The following RAB35 variants were observed in gnomAD, a reference collection of about 807,000 sequenced individuals.
The protein encoded by RAB35 is ras-related protein Rab-35.
A neutral mutation model predicts 28.9 loss-of-function variants in RAB35; 4 were observed. That is an observed-to-expected ratio of 0.14 (90% CI 0.07 to 0.32). RAB35 has a LOEUF of 0.32. RAB35 is among the 10% of genes least tolerant of loss of function. RAB35 has a pLI of 1.00. For synonymous variants in RAB35, 99 were observed against 105.1 expected (o/e 0.94, Z 0.35); for missense variants, 128 against 274.0 (o/e 0.47, Z 3.76).
In RAB35 at chr12:120,096,067, T is replaced by A. The variant is rs957140321; in HGVS notation, c.*1178A>T. On this transcript the variant is annotated 3_prime_UTR_variant, in exon 6 of 6. Transcript: ENST00000229340. ...CCTTCCCACCCGCCAGGAAATCCTC[T>A]TGCTACCTTTGTCCTGACAAAGGTT... 3.2e-5 allele frequency: 6 copies of A among 187,676 alleles called. No individual in the cohort carries two copies. The highest frequency in any genetic ancestry group is 5.6e-5 in the Non-Finnish European group (5 of 89,292). The allele number at this position is 187,676 out of a possible 1,614,324, so 11.6% of individuals were successfully genotyped here.
In RAB35 at chr12:120,102,703, G is replaced by A. The variant is rs574558440; in HGVS notation, c.227+1123C>T. 1.5e-3 allele frequency among the ~76,000 whole-genome samples: 227 copies of A among 152,314 alleles called. 2 individuals carry two copies. The highest frequency in any genetic ancestry group is 5.2e-3 in the African/African-American group (218 of 41,572). Reference sequence around the variant, plus strand: ...GCTGCACCCCACACTTCCCACCCTCGGGAGATGCCGAGGGGCCCGGGGGCA... The same window carrying A: ...GCTGCACCCCACACTTCCCACCCTCAGGAGATGCCGAGGGGCCCGGGGGCA... On this transcript the variant is annotated intron_variant, in intron 3 of 5. Transcript: ENST00000229340.
In RAB35 at chr12:120,107,114, C is replaced by G. The variant is rs1439879833; in HGVS notation, c.103+1303G>C. Among the ~76,000 whole-genome samples, 15 of 152,120 alleles carry G rather than the reference C, an allele frequency of 9.9e-5. 1 individual carries two copies. Among genetic ancestry groups the G allele is most frequent in the Admixed American group, 4.6e-4 (7 of 15,268 alleles). On this transcript the variant is annotated intron_variant, in intron 2 of 5. Coordinates refer to ENST00000229340, the MANE Select transcript of RAB35 (RefSeq NM_006861.7). ...AGCAACTCTCCTGCCTCAGCCTCCC[C>G]AGTCGCTAGGATTATAGGTATGCAC... is the stretch of plus-strand genomic sequence containing the variant.
chr12:120,103,247 TC>T lies in RAB35; in HGVS notation c.227+578del, dbSNP rs891635528. Among the ~76,000 whole-genome samples, 31 of 151,996 alleles carry T rather than the reference TC, an allele frequency of 2.0e-4. No homozygotes were observed. Among genetic ancestry groups the T allele is most frequent in the African/African-American group, 6.8e-4 (28 of 41,356 alleles). On this transcript the variant is annotated intron_variant, in intron 3 of 5. Coordinates refer to ENST00000229340, the MANE Select transcript of RAB35 (RefSeq NM_006861.7). The surrounding 1 kb of genome is among the most constrained non-coding windows in gnomAD (Gnocchi z 6.1). ...TGCCCATCTGCGCAGGAGCCCAGCTTCCCCCCGGCCTGCAGCTCAGCCACAA... is the reference window on the plus strand; with the variant it reads ...TGCCCATCTGCGCAGGAGCCCAGCTTCCCCCGGCCTGCAGCTCAGCCACAA...
intron 3 of RAB35, among the ~76,000 whole-genome samples, chr12:120,100,826 GCGC>G (rs1377303023): frequency 2.0e-5 from 3 of 152,252 alleles, no homozygotes; most frequent in African/African-American, 7.2e-5. Flanking sequence ...GCTGCTGAGA[GCGC>G]CGGGTCAGCA....
chr12:120,096,505 A>C lies in RAB35; in HGVS notation c.*740T>G. Reference sequence around the variant, plus strand: ...TGTTGGAACTGAAACCTGTTGGTGTAAATGAGAAGCCATGGCTGCCCTGGG... The same window carrying C: ...TGTTGGAACTGAAACCTGTTGGTGTCAATGAGAAGCCATGGCTGCCCTGGG... On this transcript the variant is annotated 3_prime_UTR_variant, in exon 6 of 6. Transcript: ENST00000229340. 1 of 1,289,830 alleles carries C rather than the reference A, an allele frequency of 7.8e-7. No individual in the cohort carries two copies. The highest frequency in any genetic ancestry group is 1.0e-6 in the Non-Finnish European group (1 of 988,890). 79.9% of individuals were successfully genotyped at this position (1,289,830 alleles called of 1,614,324 possible).
intron 5 of RAB35, 120 bp from the exon 6 acceptor site, chr12:120,097,493 G>T: frequency 2.7e-6 from 2 of 737,172 alleles, no homozygotes; most frequent in East Asian, 2.5e-5. Flanking sequence ...TTTTTGGTAT[G>T]TATGTCTTCA....
At chr12:120,114,072 A>G (rs1422039036) in intron 1 of RAB35, among the ~76,000 whole-genome samples, 1 of 152,150 alleles carries the variant, frequency 6.6e-6, no homozygotes, top group African/African-American at 2.4e-5. Context: ...ATTTGGGGCA[A>G]GTAAGTCACC....
intron 2 of RAB35, among the ~76,000 whole-genome samples, chr12:120,107,859 T>A (rs1246739252): frequency 1.1e-5 from 1 of 94,424 alleles, no homozygotes. Flanking sequence ...AGAGCAAGAC[T>A]CCATCTCAAA....
intron 5 of RAB35, among the ~76,000 whole-genome samples, chr12:120,097,922 C>T (rs1045477294): frequency 3.5e-5 from 5 of 141,390 alleles, no homozygotes; most frequent in Admixed American, 7.5e-5. Context: ...CTCGCTCTGT[C>T]GCCCAGGCTG....
At position 120,096,824 on chromosome 12, in the gene RAB35, C is replaced by CA; in HGVS notation, c.*420_*421insT. 7.7e-7 allele frequency: 1 copy of CA among 1,294,088 alleles called. No homozygotes were observed. The highest frequency in any genetic ancestry group is 2.3e-5 in the Admixed American group (1 of 43,680). 80.2% of individuals were successfully genotyped at this position (1,294,088 alleles called of 1,614,324 possible). ...AGACGCAGCTAGAACGTGCCGCTGT[C>CA]TCCTCAGGACGCTGCTTGCAGTAAG... is the stretch of plus-strand genomic sequence containing the variant. On this transcript the variant is annotated 3_prime_UTR_variant, in exon 6 of 6. Coordinates refer to ENST00000229340, the MANE Select transcript of RAB35 (RefSeq NM_006861.7).
chr12:120,097,396 G>A, intron 5 of RAB35, 23 bp from the exon 6 acceptor site: 4 of 1,593,532 alleles, frequency 2.5e-6, no homozygotes, highest in Non-Finnish European at 3.4e-6. Flanking sequence ...AAGAGGAAGG[G>A]CCCGCCTCAG....
chr12:120,095,108 T>G lies in RAB35; in HGVS notation c.*2137A>C, dbSNP rs1357419608. On this transcript the variant is annotated 3_prime_UTR_variant, in exon 6 of 6. Transcript: ENST00000229340. ...AGACCCTGGAAGAAAATTTGGCAGCTTGAACCTTTATTTTTAGTATTTTTT... is the reference window on the plus strand; with the variant it reads ...AGACCCTGGAAGAAAATTTGGCAGCGTGAACCTTTATTTTTAGTATTTTTT... The G allele has an allele frequency of 6.6e-6, 1 of 152,388 alleles. No homozygotes were observed. The highest frequency in any genetic ancestry group is 2.1e-4 in the South Asian group (1 of 4,832). 9.4% of individuals were successfully genotyped at this position (152,388 alleles called of 1,614,324 possible).
intron 2 of RAB35, among the ~76,000 whole-genome samples, chr12:120,107,901 T>C (rs897720137): frequency 3.6e-5 from 5 of 137,498 alleles, no homozygotes; most frequent in African/African-American, 5.4e-5. Context: ...AGAATAAATA[T>C]CGCCTATATC....
intron 1 of RAB35, among the ~76,000 whole-genome samples, chr12:120,113,199 T>G (rs993637936): frequency 6.6e-6 from 1 of 150,932 alleles, no homozygotes. Context: ...GCCTTTTTTT[T>G]TTTTTTTTTT....
intron 3 of RAB35, 141 bp from the exon 4 acceptor site, chr12:120,099,295 GATGCCCCCGAGCCACA>G: frequency 9.1e-7 from 1 of 1,099,436 alleles, no homozygotes; most frequent in Admixed American, 2.4e-5. Flanking sequence ...AGCCTCGGCA[GATGCCCCCGAGCCACA>G]ACAGGCCAGC....
rs1420008397 is a variant in RAB35 at position 120,099,166 on chromosome 12, G to C, written c.228-12C>G. ...TCCCCCGATAATACCTGCAGGGCCA[G>C]AGTGTGCGGCAGCATGTCAACCCCG... On this transcript the variant is annotated splice_polypyrimidine_tract_variant and intron_variant, in intron 3 of 5. Transcript: ENST00000229340. 6.2e-7 allele frequency: 1 copy of C among 1,614,156 alleles called. No individual in the cohort carries two copies.
At chr12:120,099,418 A>T in intron 3 of RAB35, 1 of 543,784 alleles carries the variant, frequency 1.8e-6, no homozygotes, top group South Asian at 2.4e-5. Context: ...AGGTCTGAGG[A>T]GTCACCTCCT....
intron 2 of RAB35, among the ~76,000 whole-genome samples, chr12:120,107,618 G>C (rs1380696938): frequency 6.6e-6 from 1 of 152,070 alleles, no homozygotes; most frequent in Non-Finnish European, 1.5e-5. Flanking sequence ...TGTAATCCCA[G>C]CACTTTGGAA....
chr12:120,104,371 A>G (rs1055015931), intron 2 of RAB35, among the ~76,000 whole-genome samples: 3 of 152,094 alleles, frequency 2.0e-5, no homozygotes, highest in African/African-American at 7.2e-5. Context: ...ACTTCCAAAC[A>G]CACAAATAGG....
Sources: gnomAD v4.1 joint callset for allele counts (sites outside exome capture counted in the v4.1 genomes callset) on GRCh38, gnomAD v4.1.1 for gene constraint, Gnocchi (gnomAD v3.1) non-coding constraint, MANE v1.5 for transcripts, NCBI Gene and HGNC (gene_info 2026-07-23, HGNC 2026-07-21) for gene names.